STAB2: variants seen among roughly 807,000 people sequenced by gnomAD.
The protein encoded by STAB2 is stabilin-2.
STAB2 carries 288 observed loss-of-function variants against 338.1 expected under a neutral mutation model. That is an observed-to-expected ratio of 0.85 (90% CI 0.77 to 0.94). STAB2 has a LOEUF of 0.94. STAB2 is among the 40% of genes least tolerant of loss of function. The pLI is 0.00. For missense variants in STAB2, 3,141 were observed against 3,210.1 expected (o/e 0.98, Z 0.52); for synonymous variants, 1,202 against 1,193.3 (o/e 1.01, Z -0.15).
At chr12:103,732,948 C>A in intron 50 of STAB2, 58 bp from the exon 51 acceptor site, 1 of 1,578,004 alleles carries the variant, frequency 6.3e-7, no homozygotes, top group South Asian at 1.2e-5. Flanking sequence ...GACAGAACCC[C>A]TGCCCACATG....
At chr12:103,606,421 C>T (rs1957028123) in intron 3 of STAB2, among the ~76,000 whole-genome samples, 1 of 152,158 alleles carries the variant, frequency 6.6e-6, no homozygotes, top group African/African-American at 2.4e-5. Flanking sequence ...CATTTAACCA[C>T]ATAATGACGA....
chr12:103,758,101 C>A (rs530788328), intron 63 of STAB2, 69 bp from the exon 64 acceptor site: 151 of 1,602,298 alleles, frequency 9.4e-5, no homozygotes, highest in African/African-American at 1.5e-4. Context: ...TGCCCTGGGA[C>A]CTTCTTCAGC....
intron 51 of STAB2, among the ~76,000 whole-genome samples, chr12:103,733,964 T>C (rs1043116779): frequency 7.0e-6 from 1 of 142,144 alleles, no homozygotes; most frequent in Non-Finnish European, 1.5e-5. Flanking sequence ...AGCACGATCA[T>C]AGGGGAGCAG....
intron 33 of STAB2, among the ~76,000 whole-genome samples, chr12:103,697,523 C>T (rs1194033663): frequency 6.6e-6 from 1 of 152,214 alleles, no homozygotes; most frequent in Non-Finnish European, 1.5e-5. Context: ...CAAACTCAGT[C>T]TCAGCTAAGT....
rs1340739780 is a variant in STAB2 at position 103,749,176 on chromosome 12, G to C, written c.6438+20G>C. On this transcript the variant is annotated intron_variant, in intron 59 of 68. Coordinates refer to ENST00000388887, the MANE Select transcript of STAB2 (RefSeq NM_017564.10). ...GGCCCGGTGAGTCGCTCTTTCCCAG[G>C]GAAATTTGGGAGCAGCGCCGTGGGC... 1 of 1,581,096 alleles carries C rather than the reference G, an allele frequency of 6.3e-7. No homozygotes were observed. Among genetic ancestry groups the C allele is most frequent in the Non-Finnish European group, 8.6e-7 (1 of 1,158,028 alleles).
intron 35 of STAB2, among the ~76,000 whole-genome samples, chr12:103,704,319 T>G (rs145684056): frequency 1.4e-3 from 207 of 152,336 alleles, no homozygotes; most frequent in Middle Eastern, 3.4e-3. Flanking sequence ...GAATTTGGAC[T>G]TAAATGAGAT....
Position 103,708,525 on chromosome 12 carries a change from A to G in STAB2, c.4277A>G (p.His1426Arg), listed in dbSNP as rs1243188507. The G allele has an allele frequency of 3.7e-6, 6 of 1,614,026 alleles. No homozygotes were observed. In the South Asian group the frequency reaches 4.4e-5, roughly 12 times the overall value. ...TGTGATGTTGGCTGGCGAGGAGTGC[A>G]TTGTGACAATGGTAAGAGTGAGGCC... is the stretch of plus-strand genomic sequence containing the variant. ...CDCDVGWRGV[H>R]CDNATTEDNC... The change falls in exon 39 of 69, where the codon CAT (histidine) becomes CGT (arginine). Residue 1426 changes from histidine (H) to arginine (R), a missense_variant. Coordinates refer to ENST00000388887, the MANE Select transcript of STAB2 (RefSeq NM_017564.10).
rs1876088574 is a variant in STAB2 at position 103,674,003 on chromosome 12, G to A, written c.2468G>A (p.Cys823Tyr). The change falls in exon 23 of 69, where the codon TGT becomes TAT. Residue 823 changes from cysteine to tyrosine, a missense_variant. Physicochemically the swap from Cys to Tyr is radical, Grantham distance 194. Transcript: ENST00000388887. ...TCRDGSAGRL[C>Y]DKQTSACGPY... ...AGAGACGGCTCTGCCGGGAGACTCT[G>A]TGATAAGCAGACCTCAGCCTGTGGG... 3 of 1,613,998 alleles carry A rather than the reference G, an allele frequency of 1.9e-6. No homozygotes were observed. Among genetic ancestry groups the A allele is most frequent in the African/African-American group, 1.3e-5 (1 of 74,936 alleles).
At chr12:103,717,917 C>A in intron 44 of STAB2, 76 bp downstream of exon 44, 1 of 1,451,708 alleles carries the variant, frequency 6.9e-7, no homozygotes, top group Non-Finnish European at 9.7e-7. Flanking sequence ...CTCGGGGATG[C>A]AGAGTTGAGG....
intron 9 of STAB2, among the ~76,000 whole-genome samples, chr12:103,645,435 A>G (rs1873258863): frequency 6.6e-6 from 1 of 152,250 alleles, no homozygotes; most frequent in African/African-American, 2.4e-5. Flanking sequence ...ACTTGACACA[A>G]AACAGACCAT....
intron 5 of STAB2, among the ~76,000 whole-genome samples, chr12:103,626,491 T>C (rs894553899): frequency 6.6e-6 from 1 of 152,224 alleles, no homozygotes; most frequent in African/African-American, 2.4e-5. Context: ...TTTCTTGGGA[T>C]TGACAACACA....
At chr12:103,707,308 C>T (rs950267167) in intron 38 of STAB2, among the ~76,000 whole-genome samples, 14 of 152,210 alleles carry the variant, frequency 9.2e-5, no homozygotes, top group African/African-American at 3.4e-4. Context: ...GTGGACATTG[C>T]TTGATAGTTT....
chr12:103,666,389 C>G (rs1329090437), intron 19 of STAB2, 36 bp downstream of exon 19: 1 of 1,608,618 alleles, frequency 6.2e-7, no homozygotes, highest in South Asian at 1.1e-5. Context: ...ACAGATCACC[C>G]AAGCAGCCCC....
chr12:103,750,693 G>T lies in STAB2; in HGVS notation c.6553G>T (p.Ala2185Ser). Residue 2185 changes from alanine (A) to serine (S), a missense_variant, in exon 60 of 69, where the codon GCC (alanine) becomes TCC (serine). By Grantham distance (99) the Ala-to-Ser change is moderately conservative. Coordinates refer to ENST00000388887, the MANE Select transcript of STAB2 (RefSeq NM_017564.10). ...GGACAATGGGCAGTGCCATGCAGAC[G>T]CCAAATGTGTCGACCTCCACTTCCA... is the stretch of plus-strand genomic sequence containing the variant. ...LQDNGQCHAD[A>S]KCVDLHFQDT... is the part of the protein sequence containing the mutation. 6.2e-7 allele frequency: 1 copy of T among 1,613,966 alleles called. No individual in the cohort carries two copies. The highest frequency in any genetic ancestry group is 8.5e-7 in the Non-Finnish European group (1 of 1,179,854).
At position 103,761,219 on chromosome 12, in the gene STAB2, G is replaced by A; in HGVS notation, c.7249-81G>A. 2.2e-6 allele frequency: 3 copies of A among 1,340,940 alleles called. No individual in the cohort carries two copies. The South Asian group carries it at 3.6e-5, about 16-fold the overall frequency. The allele number at this position is 1,340,940 out of a possible 1,614,324, so 83.1% of individuals were successfully genotyped here. A position where few individuals can be genotyped will look rare whatever the true frequency, so the allele number is the denominator to read the frequency against. On this transcript the variant is annotated intron_variant, in intron 65 of 68. Transcript: ENST00000388887. ...CCTGAAACATGGGCTCAGGGGCCTT[G>A]GGAAAATTGAACAACTTCCCTCCAT...
chr12:103,651,591 C>T (rs376629716), intron 11 of STAB2, among the ~76,000 whole-genome samples: 4 of 151,252 alleles, frequency 2.6e-5, no homozygotes, highest in Admixed American at 1.3e-4. Flanking sequence ...AGATTATAGG[C>T]GTGAGCCACT....
At chr12:103,597,867 C>A (rs1956899914) in intron 3 of STAB2, among the ~76,000 whole-genome samples, 1 of 152,016 alleles carries the variant, frequency 6.6e-6, no homozygotes, top group African/African-American at 2.4e-5. Flanking sequence ...GGAGTTACAC[C>A]CAAACTCAGT....
chr12:103,660,493 G>A, intron 16 of STAB2, 109 bp downstream of exon 16: 1 of 1,392,852 alleles, frequency 7.2e-7, no homozygotes, highest in Non-Finnish European at 1.0e-6. Context: ...CTGTAGCTCT[G>A]AATAAACCCT....
intron 27 of STAB2, 66 bp downstream of exon 27, chr12:103,685,150 C>A (rs1040648405): frequency 2.8e-6 from 4 of 1,409,490 alleles, no homozygotes; most frequent in Admixed American, 1.8e-5. Flanking sequence ...AGCTAAGATG[C>A]CTTTAAAGTG....
Sources: gnomAD v4.1 joint callset for allele counts (sites outside exome capture counted in the v4.1 genomes callset) on GRCh38, gnomAD v4.1.1 for gene constraint, MANE v1.5 for transcripts, NCBI Gene and HGNC (gene_info 2026-07-23, HGNC 2026-07-21) for gene names.